Variants in HDAC4 observed in about 807,000 individuals in gnomAD.
The protein encoded by HDAC4 is histone deacetylase 4.
In HDAC4, 16 loss-of-function variants were observed where a neutral mutation model predicts 135.1. The observed-to-expected ratio is 0.12, with a 90% CI of 0.08 to 0.18. The LOEUF (loss-of-function observed/expected upper bound fraction) is 0.18. HDAC4 is among the 10% of genes least tolerant of loss of function. The pLI is 1.00. For synonymous variants in HDAC4, 685 were observed against 653.4 expected (o/e 1.05, Z -0.74); for missense variants, 1,143 against 1,511.8 (o/e 0.76, Z 4.05).
intron 3 of HDAC4, among the ~76,000 whole-genome samples, chr2:239,193,549 T>C (rs569830887): frequency 6.6e-6 from 1 of 152,312 alleles, no homozygotes; most frequent in East Asian, 1.9e-4. Flanking sequence ...GGGCAGGGGC[T>C]GCCTGAGCAA....
At chr2:239,363,499 G>A (rs1006266178) in intron 1 of HDAC4, among the ~76,000 whole-genome samples, 4 of 152,214 alleles carry the variant, frequency 2.6e-5, no homozygotes, top group African/African-American at 9.6e-5. Flanking sequence ...GGAAAACAGG[G>A]TCTTTTCAAT....
At position 239,048,347 on chromosome 2, in the gene HDAC4, C is replaced by T. The variant is rs1280050158; in HGVS notation, c.*4750G>A. On this transcript the variant is annotated 3_prime_UTR_variant, in exon 27 of 27. Coordinates refer to ENST00000543185, the MANE Select transcript of HDAC4 (RefSeq NM_001378414.1). ...AGAATGAGAAAACCAAACACAAAAC[C>T]TCCAACTCCACTGAGCAAAAGAAAG... 1 of 152,252 alleles carries T rather than the reference C, an allele frequency of 6.6e-6. No homozygotes were observed. Among genetic ancestry groups the T allele is most frequent in the Non-Finnish European group, 1.5e-5 (1 of 68,076 alleles). The allele number at this position is 152,252 out of a possible 1,614,324, so 9.4% of individuals were successfully genotyped here.
At chr2:239,058,309 C>T (rs373968305) in intron 24 of HDAC4, among the ~76,000 whole-genome samples, 11 of 151,708 alleles carry the variant, frequency 7.3e-5, no homozygotes, top group Admixed American at 2.0e-4. Context: ...CAAGAGAAGG[C>T]GAGAAAAGAG....
At chr2:239,079,469 C>G (rs916798511) in intron 22 of HDAC4, among the ~76,000 whole-genome samples, 3 of 152,140 alleles carry the variant, frequency 2.0e-5, no homozygotes, top group Admixed American at 2.0e-4. Context: ...GGAGGGGGGC[C>G]CACGTGTCCT....
intron 1 of HDAC4, among the ~76,000 whole-genome samples, chr2:239,374,125 G>A (rs911185664): frequency 2.6e-5 from 4 of 152,206 alleles, no homozygotes; most frequent in Admixed American, 6.5e-5. Context: ...AGGCACCAAC[G>A]GATGCAAAGC....
intron 2 of HDAC4, among the ~76,000 whole-genome samples, chr2:239,266,803 G>A (rs1031048360): frequency 3.4e-4 from 52 of 152,234 alleles, no homozygotes; most frequent in Admixed American, 1.0e-3. Flanking sequence ...CAGCACTGAC[G>A]GTGTCTACAA....
rs542056581 is a variant in HDAC4 at position 239,054,962 on chromosome 2, GA to G, written c.3004-130del. On this transcript the variant is annotated intron_variant, in intron 24 of 26. Transcript: ENST00000543185. ...GTGGGGTGCATTTGCCCACAGAGTA[GA>G]AAAAAATAACTTTAAAAAGCCAAAT... 8.9e-5 allele frequency: 64 copies of G among 723,108 alleles called. No individual in the cohort carries two copies. The East Asian group carries it at 9.2e-4, about 10-fold the overall frequency. The allele number at this position is 723,108 out of a possible 1,614,324, so 44.8% of individuals were successfully genotyped here.
intron 8 of HDAC4, among the ~76,000 whole-genome samples, chr2:239,143,069 C>T (rs11673904): frequency 0.011 from 1,689 of 152,338 alleles, 13 homozygotes; most frequent in Middle Eastern, 0.02. Context: ...GATGGTCTCA[C>T]GTGTGATGTG....
intron 1 of HDAC4, among the ~76,000 whole-genome samples, chr2:239,388,389 G>C (rs867901690): frequency 2.6e-5 from 4 of 152,232 alleles, no homozygotes; most frequent in African/African-American, 9.6e-5. Flanking sequence ...GGCAGATGCG[G>C]TCAGTGCGGC....
intron 2 of HDAC4, among the ~76,000 whole-genome samples, chr2:239,344,592 C>A (rs984915839): frequency 1.3e-5 from 2 of 152,046 alleles, no homozygotes; most frequent in Non-Finnish European, 2.9e-5. Context: ...CCAGAACAAA[C>A]CTTGACTGAT....
intron 11 of HDAC4, among the ~76,000 whole-genome samples, chr2:239,133,033 G>A (rs962835514): frequency 2.6e-5 from 4 of 152,108 alleles, no homozygotes; most frequent in African/African-American, 9.7e-5. Context: ...GTTACACCAC[G>A]GGCTCCTCTG....
intron 4 of HDAC4, among the ~76,000 whole-genome samples, chr2:239,178,609 C>G (rs924563104): frequency 6.6e-6 from 1 of 152,190 alleles, no homozygotes; most frequent in African/African-American, 2.4e-5. Context: ...GTCTCAAACC[C>G]CTGGGCTCAC....
In HDAC4 at chr2:239,084,303, G is replaced by C. The variant is rs569081212; in HGVS notation, c.2445-61C>G. The C allele has an allele frequency of 7.4e-4, 909 of 1,227,758 alleles. 7 individuals carry two copies. In the African/African-American group the frequency reaches 0.013, roughly 17 times the overall value. The allele number at this position is 1,227,758 out of a possible 1,614,324, so 76.1% of individuals were successfully genotyped here. A position where few individuals can be genotyped will look rare whatever the true frequency, so the allele number is the denominator to read the frequency against. The stretch of plus-strand genomic sequence containing the variant: ...GGTGGGCGGTGGCCAGTTTCTCCAC[G>C]GCCCGCCAGAGAGCCACTCGGGGTC... On this transcript the variant is annotated intron_variant, in intron 19 of 26. Transcript: ENST00000543185.
At chr2:239,204,049 T>C (rs970959648) in intron 3 of HDAC4, among the ~76,000 whole-genome samples, 3 of 152,156 alleles carry the variant, frequency 2.0e-5, no homozygotes, top group African/African-American at 4.8e-5. Flanking sequence ...AAGCTCTTCA[T>C]AGTGTAGGAG....
At chr2:239,053,270 A>G in intron 26 of HDAC4, 134 bp from the exon 27 acceptor site, 1 of 1,355,764 alleles carries the variant, frequency 7.4e-7, no homozygotes, top group Admixed American at 1.9e-5. Flanking sequence ...CCCCGGGTCC[A>G]TCTGTTCAGG....
At chr2:239,189,752 T>A in intron 4 of HDAC4, 81 bp downstream of exon 4, 1 of 1,407,206 alleles carries the variant, frequency 7.1e-7, no homozygotes, top group South Asian at 1.2e-5. Flanking sequence ...CCCAGCACAC[T>A]CCGCGGAGGC....
intron 1 of HDAC4, among the ~76,000 whole-genome samples, chr2:239,363,292 A>T (rs957353567): frequency 2.0e-5 from 3 of 152,232 alleles, no homozygotes; most frequent in African/African-American, 7.2e-5. Flanking sequence ...GAAAACTGAC[A>T]ATTTTACATT....
intron 1 of HDAC4, among the ~76,000 whole-genome samples, chr2:239,360,571 G>A (rs1163548942): frequency 6.6e-6 from 1 of 152,204 alleles, no homozygotes. Flanking sequence ...AGAGCAAACG[G>A]GAACATGTAT....
rs191142889 is a variant in HDAC4 at position 239,271,599 on chromosome 2, A to C, written c.23-34935T>G. ...TAGAGCTCTCCATCCCCCGATGTGG[A>C]TCTCCGGATTATCGGGTAGACACTG... On this transcript the variant is annotated intron_variant, in intron 2 of 26. Transcript: ENST00000543185. 2.9e-3 allele frequency among the ~76,000 whole-genome samples: 445 copies of C among 152,156 alleles called. 2 individuals are homozygous for C. Among genetic ancestry groups the C allele is most frequent in the Admixed American group, 2.5e-3 (38 of 15,280 alleles).
Sources: allele counts gnomAD v4.1 joint callset (sites outside exome capture counted in the v4.1 genomes callset), GRCh38; gene constraint gnomAD v4.1.1; transcripts MANE v1.5; gene names NCBI Gene and HGNC (gene_info 2026-07-23, HGNC 2026-07-21).